The following OR2L13 variants were observed in gnomAD, a reference collection of about 807,000 sequenced individuals.
OR2L13 encodes the protein olfactory receptor 2L13.
OR2L13 carries 14 observed loss-of-function variants against 15.3 expected under a neutral mutation model. The ratio of observed to expected loss-of-function variants is 0.91; its 90% CI spans 0.60 to 1.43. OR2L13 has a LOEUF of 1.43. Ranked by LOEUF, OR2L13 falls within the 40% of genes most tolerant of loss-of-function variation. OR2L13 has a pLI of 0.00. For synonymous variants in OR2L13, 152 were observed against 142.9 expected (o/e 1.06, Z -0.45); for missense variants, 367 against 387.9 (o/e 0.95, Z 0.45).
the OR2L13 span, among the ~76,000 whole-genome samples, chr1:248,081,388 TTTG>T: frequency 2.0e-5 from 3 of 152,174 alleles, no homozygotes; most frequent in South Asian, 2.1e-4. Context: ...TCATTCCGTT[TTTG>T]TTGTTGTCGT....
chr1:248,033,952 T>C, the OR2L13 span, among the ~76,000 whole-genome samples: 1 of 152,272 alleles, frequency 6.6e-6, no homozygotes, highest in Non-Finnish European at 1.5e-5. Flanking sequence ...CCCTCTTTGC[T>C]TATAATATGA....
the OR2L13 span, chr1:248,040,507 C>G: frequency 1.3e-5 from 2 of 152,344 alleles, no homozygotes; most frequent in African/African-American, 2.4e-5. Flanking sequence ...ACCTCTCCTC[C>G]TCTTCCTCCG....
At chr1:248,068,662 G>T in the OR2L13 span, among the ~76,000 whole-genome samples, 1 of 152,148 alleles carries the variant, frequency 6.6e-6, no homozygotes, top group Non-Finnish European at 1.5e-5. Context: ...GCCTTCAGAC[G>T]ATCAAACTAC....
At chr1:247,998,241 T>C in the OR2L13 span, among the ~76,000 whole-genome samples, 1 of 152,114 alleles carries the variant, frequency 6.6e-6, no homozygotes, top group Admixed American at 6.6e-5. Flanking sequence ...TCTTGGAGTG[T>C]GAAATACAGG....
the OR2L13 span, chr1:248,061,022 T>C: frequency 6.2e-7 from 1 of 1,614,130 alleles, no homozygotes; most frequent in Admixed American, 1.7e-5. Context: ...GCACTACTTT[T>C]GGCATCTATG....
chr1:247,940,731 C>CGTGTGTGTGTGT, the OR2L13 span, among the ~76,000 whole-genome samples: 5 of 147,180 alleles, frequency 3.4e-5, no homozygotes, highest in African/African-American at 7.5e-5. Context: ...TGCATACGTG[C>CGTGTGTGTGTGT]GTGTGTGTGT....
the OR2L13 span, chr1:247,990,844 G>A: frequency 6.4e-7 from 1 of 1,566,530 alleles, no homozygotes; most frequent in Non-Finnish European, 8.8e-7. Context: ...GGATACCTGG[G>A]TCTATGAGTG....
chr1:248,021,872 C>A, the OR2L13 span: 1 of 1,198,976 alleles, frequency 8.3e-7, no homozygotes, highest in Non-Finnish European at 1.2e-6. Context: ...GGAATGCAAC[C>A]CCTGCAGATA....
chr1:247,986,494 A>G, the OR2L13 span, among the ~76,000 whole-genome samples: 2 of 152,152 alleles, frequency 1.3e-5, no homozygotes, highest in African/African-American at 2.4e-5. Context: ...TACCAGTACC[A>G]TGCTGTTTTG....
chr1:248,069,663 A>G, the OR2L13 span, among the ~76,000 whole-genome samples: 1 of 152,220 alleles, frequency 6.6e-6, no homozygotes, highest in African/African-American at 2.4e-5. Flanking sequence ...TGCTCTAATT[A>G]AAAGACACAG....
the OR2L13 span, among the ~76,000 whole-genome samples, chr1:248,011,743 TCTG>T: frequency 3.3e-5 from 5 of 152,182 alleles, no homozygotes; most frequent in African/African-American, 1.2e-4. Context: ...CAACCCTTTC[TCTG>T]CTGCAATTTC....
At chr1:248,047,014 C>A in the OR2L13 span, 2 of 152,138 alleles carry the variant, frequency 1.3e-5, no homozygotes, top group Non-Finnish European at 2.9e-5. Context: ...CTTTCTATAA[C>A]ACCATTCAGC....
chr1:247,983,272 G>A, the OR2L13 span, among the ~76,000 whole-genome samples: 1 of 152,164 alleles, frequency 6.6e-6, no homozygotes, highest in Non-Finnish European at 1.5e-5. Context: ...GCAAGTGCCA[G>A]TGTGTGGAGA....
chr1:247,974,451 CAGAG>C, the OR2L13 span, among the ~76,000 whole-genome samples: 3 of 151,826 alleles, frequency 2.0e-5, no homozygotes, highest in South Asian at 2.1e-4. Flanking sequence ...GTTATTTTGA[CAGAG>C]AGAAAAAAGA....
the OR2L13 span, chr1:248,023,539 T>C: frequency 5.3e-5 from 8 of 152,284 alleles, no homozygotes; most frequent in East Asian, 1.3e-3. Flanking sequence ...ACACACACAA[T>C]GTTTGTCTCC....
chr1:248,029,421 T>A, the OR2L13 span, among the ~76,000 whole-genome samples: 1 of 151,896 alleles, frequency 6.6e-6, no homozygotes, highest in African/African-American at 2.4e-5. Flanking sequence ...TTGAGAACAT[T>A]TAAAGCACTC....
At chr1:247,966,109 C>G in the OR2L13 span, 1 of 1,614,096 alleles carries the variant, frequency 6.2e-7, no homozygotes, top group Non-Finnish European at 8.5e-7. Flanking sequence ...TTCCTCCCAC[C>G]TGATTGTGGC....
At chr1:248,072,696 C>T in the OR2L13 span, among the ~76,000 whole-genome samples, 3 of 151,588 alleles carry the variant, frequency 2.0e-5, no homozygotes, top group South Asian at 4.2e-4. Flanking sequence ...AGGCAACCTA[C>T]AAAATGGGAT....
the OR2L13 span, among the ~76,000 whole-genome samples, chr1:248,077,403 T>G: frequency 6.6e-6 from 1 of 152,204 alleles, no homozygotes; most frequent in African/African-American, 2.4e-5. Flanking sequence ...ATTGGAACAG[T>G]TTCAGAAGGA....
Sources: allele counts gnomAD v4.1 joint callset (sites outside exome capture counted in the v4.1 genomes callset), GRCh38; gene constraint gnomAD v4.1.1; transcripts MANE v1.5; gene names NCBI Gene and HGNC (gene_info 2026-07-23, HGNC 2026-07-21).